NCKAP5: variants seen among roughly 807,000 people sequenced by gnomAD.
The protein encoded by NCKAP5 is nck-associated protein 5.
In NCKAP5, 92 loss-of-function variants were observed where a neutral mutation model predicts 167.0. The observed-to-expected ratio is 0.55, with a 90% CI of 0.47 to 0.66. The LOEUF is 0.66. Ranked by LOEUF, NCKAP5 falls within the 30% of genes least tolerant of loss-of-function variation. NCKAP5 has a pLI of 0.00. For missense variants in NCKAP5, 2,378 were observed against 2,315.0 expected (o/e 1.03, Z -0.56); for synonymous variants, 891 against 877.4 (o/e 1.02, Z -0.27).
chr2:133,083,009 C>T (rs1248616220), intron 6 of NCKAP5, among the ~76,000 whole-genome samples: 1 of 152,152 alleles, frequency 6.6e-6, no homozygotes, highest in Non-Finnish European at 1.5e-5. Context: ...AGAGATGCCA[C>T]AGTGACCACA....
chr2:133,300,047 C>T (rs547127748), intron 4 of NCKAP5, among the ~76,000 whole-genome samples: 4 of 139,286 alleles, frequency 2.9e-5, no homozygotes, highest in Admixed American at 1.4e-4. Flanking sequence ...ATACATTCCT[C>T]GACACATACA....
intron 7 of NCKAP5, among the ~76,000 whole-genome samples, chr2:132,969,634 T>C (rs1179344966): frequency 6.6e-6 from 1 of 152,204 alleles, no homozygotes; most frequent in Non-Finnish European, 1.5e-5. Flanking sequence ...AGGCTCTGTG[T>C]AGTTCTCAAG....
intron 11 of NCKAP5, among the ~76,000 whole-genome samples, chr2:132,838,055 T>C (rs1023501063): frequency 6.6e-6 from 1 of 152,224 alleles, no homozygotes; most frequent in African/African-American, 2.4e-5. Flanking sequence ...CTGGCATCTC[T>C]GAGCATGGAG....
At chr2:132,696,592 G>A (rs1356722416) in intron 19 of NCKAP5, among the ~76,000 whole-genome samples, 1 of 152,180 alleles carries the variant, frequency 6.6e-6, no homozygotes, top group Non-Finnish European at 1.5e-5. Context: ...GGATGGAAGA[G>A]CTTTCTGATT....
intron 8 of NCKAP5, 69 bp from the exon 9 acceptor site, chr2:132,878,985 T>C (rs1442172704): frequency 8.2e-7 from 1 of 1,216,412 alleles, no homozygotes; most frequent in African/African-American, 1.5e-5. Flanking sequence ...ACTTATTCCA[T>C]ACAGTTACTA....
chr2:132,918,337 T>G (rs1197710493), intron 8 of NCKAP5, among the ~76,000 whole-genome samples: 1 of 152,186 alleles, frequency 6.6e-6, no homozygotes, highest in African/African-American at 2.4e-5. Context: ...AGATATTTAA[T>G]TAAGCACTCC....
At chr2:133,046,989 G>A (rs934484653) in intron 6 of NCKAP5, among the ~76,000 whole-genome samples, 1 of 152,086 alleles carries the variant, frequency 6.6e-6, no homozygotes, top group African/African-American at 2.4e-5. Context: ...TCAAAACAAT[G>A]CATACAAAAA....
intron 6 of NCKAP5, among the ~76,000 whole-genome samples, chr2:133,004,326 A>G (rs1251649598): frequency 6.6e-6 from 1 of 152,210 alleles, no homozygotes; most frequent in African/African-American, 2.4e-5. Context: ...ATAATTATTT[A>G]TCAGGGGAAC....
chr2:133,122,721 T>A (rs1328363286), intron 6 of NCKAP5: 3 of 152,082 alleles, frequency 2.0e-5, no homozygotes, highest in African/African-American at 7.2e-5. Context: ...CAAAACCCAG[T>A]CCCACAGAGC....
At chr2:133,519,825 C>G (rs1037250850) in intron 2 of NCKAP5, among the ~76,000 whole-genome samples, 1 of 152,060 alleles carries the variant, frequency 6.6e-6, no homozygotes, top group African/African-American at 2.4e-5. Flanking sequence ...ATATAGAAAA[C>G]AAGCAAACAA....
intron 3 of NCKAP5, among the ~76,000 whole-genome samples, chr2:133,344,897 A>T (rs1039047047): frequency 6.6e-6 from 1 of 151,978 alleles, no homozygotes; most frequent in African/African-American, 2.4e-5. Context: ...AGGTAGCGGG[A>T]TATGCAAAAG....
intron 19 of NCKAP5, among the ~76,000 whole-genome samples, chr2:132,681,173 G>T (rs1196677041): frequency 6.6e-6 from 1 of 151,868 alleles, no homozygotes; most frequent in African/African-American, 2.4e-5. Flanking sequence ...ATTTATGCAG[G>T]AATGATAATT....
chr2:132,992,855 C>T (rs578215656), intron 7 of NCKAP5, among the ~76,000 whole-genome samples: 1 of 152,282 alleles, frequency 6.6e-6, no homozygotes, highest in South Asian at 2.1e-4. Context: ...CTTAAGTCAA[C>T]TCTTTGCATT....
At chr2:133,075,624 AGAG>A (rs1461719882) in intron 6 of NCKAP5, among the ~76,000 whole-genome samples, 1 of 152,222 alleles carries the variant, frequency 6.6e-6, no homozygotes, top group Non-Finnish European at 1.5e-5. Context: ...TTCCACTTAA[AGAG>A]GTAAAATATC....
chr2:133,562,127 T>C (rs1048496512), intron 1 of NCKAP5, among the ~76,000 whole-genome samples: 4 of 151,244 alleles, frequency 2.6e-5, no homozygotes, highest in African/African-American at 9.7e-5. Context: ...GATTTAGGAA[T>C]ATTACATAAA....
At chr2:133,387,802 G>A (rs1432839921) in intron 3 of NCKAP5, among the ~76,000 whole-genome samples, 1 of 152,106 alleles carries the variant, frequency 6.6e-6, no homozygotes, top group African/African-American at 2.4e-5. Flanking sequence ...TTGATCTTCA[G>A]TCACTGATAT....
At chr2:132,759,862 C>T (rs1274158526) in intron 16 of NCKAP5, among the ~76,000 whole-genome samples, 1 of 151,320 alleles carries the variant, frequency 6.6e-6, no homozygotes, top group Non-Finnish European at 1.5e-5. Context: ...TCTAGTTGTC[C>T]AGCTTTTCTG....
At chr2:132,847,584 T>A (rs1390292548) in intron 11 of NCKAP5, among the ~76,000 whole-genome samples, 1 of 152,172 alleles carries the variant, frequency 6.6e-6, no homozygotes, top group Non-Finnish European at 1.5e-5. Flanking sequence ...AATCCCAGGA[T>A]AATATTTTTA....
At chr2:133,307,048 T>A (rs1192182119) in intron 3 of NCKAP5, among the ~76,000 whole-genome samples, 1 of 152,212 alleles carries the variant, frequency 6.6e-6, no homozygotes, top group Non-Finnish European at 1.5e-5. Context: ...CAAGCCTTGC[T>A]TTGTTCAGCA....
Sources: gnomAD v4.1 joint callset for allele counts (sites outside exome capture counted in the v4.1 genomes callset) on GRCh38, gnomAD v4.1.1 for gene constraint, MANE v1.5 for transcripts, NCBI Gene and HGNC (gene_info 2026-07-23, HGNC 2026-07-21) for gene names.